KCNC2: variants seen among roughly 807,000 people sequenced by gnomAD.
KCNC2 encodes potassium voltage-gated channel subfamily C member 2.
Under a neutral mutation model 44.5 loss-of-function variants are expected in KCNC2, and 21 were observed. The ratio of observed to expected loss-of-function variants is 0.47; its 90% confidence interval spans 0.33 to 0.68. The LOEUF (loss-of-function observed/expected upper bound fraction) is 0.68, where lower values mean the gene tolerates loss of function less well. KCNC2 is among the 30% of genes least tolerant of loss of function. The pLI is 0.01. For missense variants in KCNC2, 589 were observed against 826.2 expected (o/e 0.71, Z 3.52); for synonymous variants, 391 against 339.1 (o/e 1.15, Z -1.68).
At chr12:75,070,373 C>G (rs1354603234) in intron 2 of KCNC2, among the ~76,000 whole-genome samples, 1 of 151,442 alleles carries the variant, frequency 6.6e-6, no homozygotes, top group Non-Finnish European at 1.5e-5. Flanking sequence ...ATCACTTGAA[C>G]CCAGGAGGCC....
chr12:75,074,907 T>A (rs1362792437), intron 2 of KCNC2, among the ~76,000 whole-genome samples: 2 of 152,142 alleles, frequency 1.3e-5, no homozygotes, highest in Admixed American at 1.3e-4. Context: ...CTTATCTAAC[T>A]AAACGGGAGG....
At chr12:75,167,621 G>C (rs1891544646) in intron 2 of KCNC2, among the ~76,000 whole-genome samples, 1 of 151,378 alleles carries the variant, frequency 6.6e-6, no homozygotes, top group East Asian at 1.9e-4. Flanking sequence ...AACCAGAGCT[G>C]ACTTGGCAGG....
chr12:75,072,056 T>A (rs1179839653), intron 2 of KCNC2, among the ~76,000 whole-genome samples: 3 of 149,958 alleles, frequency 2.0e-5, no homozygotes, highest in Non-Finnish European at 3.0e-5. Context: ...CAAGTTCAAA[T>A]GCAAGTGTTC....
chr12:75,083,817 G>A (rs932524588), intron 2 of KCNC2, among the ~76,000 whole-genome samples: 2 of 151,782 alleles, frequency 1.3e-5, no homozygotes, highest in Non-Finnish European at 2.9e-5. Flanking sequence ...CATGATTTCT[G>A]AAGTTTTCTT....
At chr12:75,086,798 A>G (rs1314592581) in intron 2 of KCNC2, among the ~76,000 whole-genome samples, 2 of 151,622 alleles carry the variant, frequency 1.3e-5, no homozygotes, top group Admixed American at 6.6e-5. Flanking sequence ...ATTAAGCAGG[A>G]CAGCATTGTA....
chr12:75,182,773 C>A (rs1045756114), intron 2 of KCNC2, among the ~76,000 whole-genome samples: 3 of 152,172 alleles, frequency 2.0e-5, no homozygotes, highest in Non-Finnish European at 4.4e-5. Context: ...CTGTAGCAAT[C>A]AAAACATTCA....
At chr12:75,202,128 C>A (rs553602373) in intron 2 of KCNC2, among the ~76,000 whole-genome samples, 1 of 151,842 alleles carries the variant, frequency 6.6e-6, no homozygotes. Flanking sequence ...AGTTTACTGA[C>A]AAAGATAAAA....
chr12:75,141,336 A>G (rs1889636900), intron 2 of KCNC2, among the ~76,000 whole-genome samples: 10 of 152,262 alleles, frequency 6.6e-5, no homozygotes, highest in Admixed American at 6.5e-4. Context: ...AACCTCTGCA[A>G]CATTAGATTA....
chr12:75,154,938 C>G (rs1369865475), intron 2 of KCNC2, among the ~76,000 whole-genome samples: 2 of 151,862 alleles, frequency 1.3e-5, no homozygotes, highest in African/African-American at 4.8e-5. Context: ...TGTCACTGTT[C>G]TGTCTTTATT....
At chr12:75,141,309 A>G (rs1462366615) in intron 2 of KCNC2, among the ~76,000 whole-genome samples, 1 of 152,230 alleles carries the variant, frequency 6.6e-6, no homozygotes, top group Non-Finnish European at 1.5e-5. Flanking sequence ...AACCGGAGAA[A>G]ACTATAATGC....
chr12:75,043,661 C>T, intron 4 of KCNC2: 1 of 1,266,416 alleles, frequency 7.9e-7, no homozygotes, highest in East Asian at 3.2e-5. Context: ...TTTTTATTTC[C>T]TAAGCCAATA....
At chr12:75,046,474 A>G (rs1880526889) in intron 4 of KCNC2, among the ~76,000 whole-genome samples, 1 of 151,784 alleles carries the variant, frequency 6.6e-6, no homozygotes, top group Non-Finnish European at 1.5e-5. Context: ...TAGTATAAAT[A>G]TTACATGTGA....
intron 2 of KCNC2, among the ~76,000 whole-genome samples, chr12:75,126,180 C>T (rs532228452): frequency 1.1e-4 from 16 of 152,046 alleles, no homozygotes; most frequent in Admixed American, 5.2e-4. Context: ...TAACCTAGGG[C>T]GACATGAATT....
chr12:75,188,808 G>A (rs377278989), intron 2 of KCNC2, among the ~76,000 whole-genome samples: 80 of 151,830 alleles, frequency 5.3e-4, no homozygotes, highest in African/African-American at 1.7e-3. Flanking sequence ...GCAGTGAACC[G>A]AGATCATGCC....
chr12:75,084,234 GAT>G (rs1884758431), intron 2 of KCNC2, among the ~76,000 whole-genome samples: 3 of 4,888 alleles, frequency 6.1e-4, no homozygotes, highest in African/African-American at 8.8e-4. Context: ...GATAGATATA[GAT>G]AGATAGATAG....
chr12:75,206,562 T>A (rs1304195324), intron 2 of KCNC2, among the ~76,000 whole-genome samples: 1 of 152,174 alleles, frequency 6.6e-6, no homozygotes, highest in East Asian at 1.9e-4. Context: ...AGAACTAGGA[T>A]CACCAAAGTG....
At chr12:75,109,988 G>GAA (rs5799210) in intron 2 of KCNC2, among the ~76,000 whole-genome samples, 5 of 151,336 alleles carry the variant, frequency 3.3e-5, no homozygotes, top group African/African-American at 1.2e-4. Context: ...AAAACACAGA[G>GAA]AAAAAATACA....
intron 2 of KCNC2, among the ~76,000 whole-genome samples, chr12:75,111,533 T>G (rs11180368): frequency 0.26 from 39,501 of 151,802 alleles, 5,624 homozygotes; most frequent in Middle Eastern, 0.4. Flanking sequence ...TATCAATAAG[T>G]ATCCTTTTTA....
rs1313807925 is a variant in KCNC2, at chr12:75,050,418, G to C, written c.1587C>G (p.Asp529Glu). The C allele has an allele frequency of 6.2e-7, 1 of 1,612,610 alleles. No individual in the cohort carries two copies. Among genetic ancestry groups the C allele is most frequent in the East Asian group, 2.2e-5 (1 of 44,836 alleles). ...STQSDTCLGK[D>E]NRLLEHNRSV... Reference sequence around the variant, plus strand: ...ATCTGTTATGTTCCAGAAGTCGATTGTCTTTGCCCAGACATGTGTCACTCT... The same window carrying C: ...ATCTGTTATGTTCCAGAAGTCGATTCTCTTTGCCCAGACATGTGTCACTCT... The change falls in exon 3 of 5, where the codon GAC becomes GAG. Residue 529 changes from aspartate to glutamate, a missense_variant. Around this residue, in one of 7 missense-constraint regions of KCNC2, gnomAD observed 171 missense variants for 182.4 expected, o/e 0.94. Coordinates refer to ENST00000549446, the MANE Select transcript of KCNC2 (RefSeq NM_139137.4).
Sources: gnomAD v4.1 joint callset for allele counts (sites outside exome capture counted in the v4.1 genomes callset) on GRCh38, gnomAD v4.1.1 for gene constraint, gnomAD v4.1.1 regional missense constraint, MANE v1.5 for transcripts, NCBI Gene and HGNC (gene_info 2026-07-23, HGNC 2026-07-21) for gene names.